ATP8A2: variants seen among roughly 807,000 people sequenced by gnomAD.
The protein encoded by ATP8A2 is ATPase phospholipid transporting 8A2.
Under a neutral mutation model 165.6 loss-of-function variants are expected in ATP8A2, and 100 were observed. The observed-to-expected ratio is 0.60, with a 90% CI of 0.51 to 0.71. The LOEUF is 0.71. Among genes scored for constraint, ATP8A2 ranks in the 30% least tolerant of loss-of-function variants. The pLI, the probability that ATP8A2 is intolerant of heterozygous loss-of-function variation, is 0.00. For synonymous variants in ATP8A2, 543 were observed against 548.8 expected, an observed-to-expected ratio of 0.99 and a Z score of 0.15; for missense variants, 1,227 against 1,479.5, an observed-to-expected ratio of 0.83 and a Z score of 2.80.
At chr13:25,461,836 G>C (rs913931303) in intron 1 of ATP8A2, among the ~76,000 whole-genome samples, 3 of 126,102 alleles carry the variant, frequency 2.4e-5, no homozygotes, top group Non-Finnish European at 5.1e-5. Context: ...TGAGGAAGAA[G>C]AAGAAGGAGA....
At chr13:25,425,526 C>T (rs1410254732) in intron 1 of ATP8A2, among the ~76,000 whole-genome samples, 2 of 102,556 alleles carry the variant, frequency 2.0e-5, no homozygotes, top group African/African-American at 3.1e-5. Context: ...ACTTGCAAGA[C>T]GTCATAAATT....
chr13:25,575,264 A>G (rs2039583968), intron 19 of ATP8A2, among the ~76,000 whole-genome samples: 1 of 152,232 alleles, frequency 6.6e-6, no homozygotes, highest in Non-Finnish European at 1.5e-5. Flanking sequence ...AAACTGACAA[A>G]TGATGACAGA....
At chr13:25,378,773 C>T (rs2032732577) in intron 1 of ATP8A2, among the ~76,000 whole-genome samples, 1 of 152,232 alleles carries the variant, frequency 6.6e-6, no homozygotes, top group African/African-American at 2.4e-5. Flanking sequence ...CCTAGCTACT[C>T]TGCAGCTCTG....
At chr13:25,566,326 G>A (rs1264750562) in intron 16 of ATP8A2, among the ~76,000 whole-genome samples, 2 of 150,980 alleles carry the variant, frequency 1.3e-5, no homozygotes, top group African/African-American at 2.5e-5. Flanking sequence ...CAGCTACTAG[G>A]CTGAAGATTC....
chr13:25,474,788 A>T (rs2035947611), intron 2 of ATP8A2, among the ~76,000 whole-genome samples: 1 of 150,370 alleles, frequency 6.7e-6, no homozygotes, highest in Admixed American at 6.6e-5. Flanking sequence ...TGTTGTACAG[A>T]TTATTTCATC....
At chr13:25,834,517 G>T (rs947886208) in intron 28 of ATP8A2, among the ~76,000 whole-genome samples, 1 of 152,134 alleles carries the variant, frequency 6.6e-6, no homozygotes, top group African/African-American at 2.4e-5. Context: ...GTCAGTGGGT[G>T]AATGGCTAAA....
chr13:25,480,220 T>TCC (rs1235957778), intron 2 of ATP8A2, among the ~76,000 whole-genome samples: 5 of 148,574 alleles, frequency 3.4e-5, no homozygotes, highest in Non-Finnish European at 7.4e-5. Context: ...GCAGAGGGGC[T>TCC]CCTCACTTCC....
intron 23 of ATP8A2, among the ~76,000 whole-genome samples, chr13:25,589,107 T>TA (rs888048892): frequency 0.015 from 2,270 of 148,404 alleles, 57 homozygotes; most frequent in African/African-American, 0.052. Flanking sequence ...AATAAGCCTT[T>TA]AAAAAAAAAA....
intron 1 of ATP8A2, among the ~76,000 whole-genome samples, chr13:25,401,239 A>T (rs925449810): frequency 3.9e-5 from 6 of 152,194 alleles, no homozygotes; most frequent in Non-Finnish European, 8.8e-5. Context: ...GTGAAAGAGG[A>T]TGCAAAAGCC....
intron 33 of ATP8A2, among the ~76,000 whole-genome samples, chr13:25,864,482 C>G (rs2138776293): frequency 6.6e-6 from 1 of 152,132 alleles, no homozygotes; most frequent in East Asian, 1.9e-4. Context: ...CTGTACCAGT[C>G]ACATAAGCAT....
At chr13:25,965,680 A>T (rs978117738) in intron 34 of ATP8A2, among the ~76,000 whole-genome samples, 1 of 152,224 alleles carries the variant, frequency 6.6e-6, no homozygotes, top group Admixed American at 6.5e-5. Flanking sequence ...GAAATTTGTT[A>T]GTATTGCTTT....
At position 26,023,011 on chromosome 13, in the gene ATP8A2, C is replaced by T. The variant is rs1485491830; in HGVS notation, c.*3026C>T. The T allele has an allele frequency of 6.6e-6, 1 of 152,274 alleles. No individual in the cohort carries two copies. Among genetic ancestry groups the T allele is most frequent in the Non-Finnish European group, 1.5e-5 (1 of 68,116 alleles). 9.4% of individuals were successfully genotyped at this position (152,274 alleles called of 1,614,324 possible). ...AGGAAGAGACCAGTTGTACTGTGGG[C>T]TTAGTTCTGGGTTTCCACTGCACAC... On this transcript the variant is annotated 3_prime_UTR_variant, in exon 37 of 37. Transcript: ENST00000381655.
rs1286960677 is a variant in ATP8A2, at chr13:25,571,536, T to G, written c.1580-74T>G. 3 of 1,151,454 alleles carry G rather than the reference T, an allele frequency of 2.6e-6. No individual in the cohort carries two copies. The African/African-American group carries it at 4.6e-5, about 18-fold the overall frequency. The allele number at this position is 1,151,454 out of a possible 1,614,324, so 71.3% of individuals were successfully genotyped here. ...CTTCAGTAGAGCGGATTTTGTTAATTTGAAAAGTGACACTAAACAGAATTC... is the reference window on the plus strand; with the variant it reads ...CTTCAGTAGAGCGGATTTTGTTAATGTGAAAAGTGACACTAAACAGAATTC... On this transcript the variant is annotated intron_variant, in intron 17 of 36. Transcript: ENST00000381655.
chr13:26,019,175 C>A (rs776985881), intron 36 of ATP8A2, among the ~76,000 whole-genome samples: 12 of 152,254 alleles, frequency 7.9e-5, no homozygotes, highest in Non-Finnish European at 1.8e-4. Flanking sequence ...GGACAGATTG[C>A]TTGAGGTCAG....
chr13:25,790,899 G>A (rs1207518558), intron 27 of ATP8A2, among the ~76,000 whole-genome samples: 1 of 152,098 alleles, frequency 6.6e-6, no homozygotes. Flanking sequence ...TGGCGAGGTG[G>A]TGGAGAAAAA....
intron 35 of ATP8A2, among the ~76,000 whole-genome samples, chr13:26,009,429 G>T (rs531729291): frequency 6.6e-6 from 1 of 152,208 alleles, no homozygotes; most frequent in South Asian, 2.1e-4. Flanking sequence ...ATCTGCGCAC[G>T]TGTGGTGTGG....
intron 24 of ATP8A2, among the ~76,000 whole-genome samples, chr13:25,676,622 A>G (rs1406071505): frequency 1.3e-5 from 2 of 152,180 alleles, no homozygotes; most frequent in African/African-American, 4.8e-5. Flanking sequence ...GTGCCAAAGT[A>G]AAAAAGGTTG....
rs1957090449 is a variant in ATP8A2, at chr13:26,022,151, A to G, written c.*2166A>G. 6.6e-6 allele frequency: 1 copy of G among 152,242 alleles called. No homozygotes were observed. The highest frequency in any genetic ancestry group is 2.4e-5 in the African/African-American group (1 of 41,468). 9.4% of individuals were successfully genotyped at this position (152,242 alleles called of 1,614,324 possible). A position where few individuals can be genotyped will look rare whatever the true frequency, so the allele number is the denominator to read the frequency against. On this transcript the variant is annotated 3_prime_UTR_variant, in exon 37 of 37. Coordinates refer to ENST00000381655, the MANE Select transcript of ATP8A2 (RefSeq NM_016529.6). ...TCTAACACAAAATGTGCCTATGACT[A>G]ACACGACAAACCAAGGTGTATGGTT...
intron 36 of ATP8A2, among the ~76,000 whole-genome samples, chr13:26,017,099 G>C (rs910456364): frequency 2.6e-5 from 4 of 152,216 alleles, no homozygotes; most frequent in Non-Finnish European, 4.4e-5. Flanking sequence ...TCAGGGTGGA[G>C]AGCTCAGTAG....
Sources: gnomAD v4.1 joint callset for allele counts (sites outside exome capture counted in the v4.1 genomes callset) on GRCh38, gnomAD v4.1.1 for gene constraint, MANE v1.5 for transcripts, NCBI Gene and HGNC (gene_info 2026-07-23, HGNC 2026-07-21) for gene names.